Variants in SNX29 observed in about 807,000 individuals in gnomAD.
SNX29 encodes the protein sorting nexin-29.
In SNX29, 78 loss-of-function variants were observed where a neutral mutation model predicts 102.1. The observed-to-expected ratio is 0.76, with a 90% CI of 0.64 to 0.92. The LOEUF (loss-of-function observed/expected upper bound fraction) is 0.92. SNX29 is among the 40% of genes least tolerant of loss of function. The pLI, the probability that SNX29 is intolerant of heterozygous loss-of-function variation, is 0.00. For synonymous variants in SNX29, 580 were observed against 414.5 expected, an observed-to-expected ratio of 1.40 and a Z score of -4.85; for missense variants, 1,280 against 1,061.7, an observed-to-expected ratio of 1.21 and a Z score of -2.86.
chr16:12,543,584 G>C (rs376879103), intron 20 of SNX29, among the ~76,000 whole-genome samples: 1 of 152,176 alleles, frequency 6.6e-6, no homozygotes, highest in African/African-American at 2.4e-5. Flanking sequence ...TCCGTGGTGC[G>C]TCCCAGTTCA....
chr16:12,567,216 A>G (rs755377766), intron 20 of SNX29, among the ~76,000 whole-genome samples: 5 of 152,078 alleles, frequency 3.3e-5, no homozygotes, highest in African/African-American at 1.2e-4. Context: ...TTTCTAAACC[A>G]CAGATAAGGC....
At chr16:12,541,169 C>G (rs569422962) in intron 20 of SNX29, among the ~76,000 whole-genome samples, 64 of 152,310 alleles carry the variant, frequency 4.2e-4, no homozygotes, top group African/African-American at 1.5e-3. Flanking sequence ...GACCTGGAAC[C>G]TCTTCCTCAG....
intron 13 of SNX29, among the ~76,000 whole-genome samples, chr16:12,188,710 G>T (rs1596465450): frequency 6.6e-6 from 1 of 152,264 alleles, no homozygotes; most frequent in Middle Eastern, 3.4e-3. Flanking sequence ...TGGTTACGGG[G>T]GAGAGAGCAC....
At chr16:12,541,504 G>C (rs59416912) in intron 20 of SNX29, among the ~76,000 whole-genome samples, 8,247 of 152,184 alleles carry the variant, frequency 0.054, 260 homozygotes, top group Middle Eastern at 0.11. Flanking sequence ...TGTGATCTGA[G>C]TCCCAAGTCA....
intron 15 of SNX29, among the ~76,000 whole-genome samples, chr16:12,345,603 G>T (rs771220438): frequency 6.6e-6 from 1 of 152,212 alleles, no homozygotes; most frequent in Non-Finnish European, 1.5e-5. Flanking sequence ...AGTAACTGTT[G>T]TTGCCACTAC....
At chr16:12,354,471 C>G (rs770543396) in intron 15 of SNX29, among the ~76,000 whole-genome samples, 1 of 152,142 alleles carries the variant, frequency 6.6e-6, no homozygotes, top group Non-Finnish European at 1.5e-5. Flanking sequence ...TCGGTGTTTC[C>G]TGCATTTATG....
chr16:12,008,089 G>A (rs1383305411), intron 3 of SNX29, among the ~76,000 whole-genome samples: 3 of 151,858 alleles, frequency 2.0e-5, no homozygotes, highest in African/African-American at 4.8e-5. Flanking sequence ...GACTACAGAC[G>A]CCCGCCACCA....
At chr16:12,213,778 C>T (rs1283706002) in intron 14 of SNX29, among the ~76,000 whole-genome samples, 1 of 151,304 alleles carries the variant, frequency 6.6e-6, no homozygotes, top group Non-Finnish European at 1.5e-5. Context: ...TTTAAGTAAA[C>T]CCTGAACAGG....
chr16:12,245,477 G>A (rs992368438), intron 14 of SNX29, among the ~76,000 whole-genome samples: 6 of 150,770 alleles, frequency 4.0e-5, no homozygotes, highest in Admixed American at 3.3e-4. Flanking sequence ...AGTGACAACT[G>A]CCTAGATTTT....
intron 14 of SNX29, among the ~76,000 whole-genome samples, chr16:12,220,584 T>G (rs766300603): frequency 1.1e-4 from 17 of 152,200 alleles, no homozygotes; most frequent in Non-Finnish European, 1.9e-4. Flanking sequence ...CTCGTGCTGA[T>G]CTCCCCTGCA....
chr16:12,561,464 A>G (rs755335731), intron 20 of SNX29, among the ~76,000 whole-genome samples: 43 of 152,260 alleles, frequency 2.8e-4, no homozygotes, highest in Non-Finnish European at 5.0e-4. Flanking sequence ...GGCAGCTCCT[A>G]GTAAGTGGAG....
intron 16 of SNX29, among the ~76,000 whole-genome samples, chr16:12,386,588 G>T (rs887165369): frequency 6.6e-6 from 1 of 152,110 alleles, no homozygotes; most frequent in African/African-American, 2.4e-5. Flanking sequence ...CCAATAGCAG[G>T]GTTCTTGGTA....
chr16:12,548,775 C>A (rs576586034), intron 20 of SNX29, among the ~76,000 whole-genome samples: 35 of 152,212 alleles, frequency 2.3e-4, no homozygotes, highest in Non-Finnish European at 3.5e-4. Flanking sequence ...CATCCCCCAG[C>A]CACCACAGTG....
At position 12,569,882 on chromosome 16, in the gene SNX29, G is replaced by T. The variant is rs1002340290; in HGVS notation, c.*1253G>T. On this transcript the variant is annotated 3_prime_UTR_variant, in exon 21 of 21. Coordinates refer to ENST00000566228, the MANE Select transcript of SNX29 (RefSeq NM_032167.5). Reference sequence around the variant, plus strand: ...AAATGGACTATGCAAGAGTAAGTTTGTGTGTTTCGCCTTAATCTGAGGCAG... The same window carrying T: ...AAATGGACTATGCAAGAGTAAGTTTTTGTGTTTCGCCTTAATCTGAGGCAG... The T allele has an allele frequency of 8.6e-6, 2 of 231,420 alleles. No homozygotes were observed. The highest frequency in any genetic ancestry group is 1.2e-4 in the East Asian group (2 of 16,368). 14.3% of individuals were successfully genotyped at this position (231,420 alleles called of 1,614,324 possible).
At chr16:12,131,993 A>G (rs182590711) in intron 13 of SNX29, among the ~76,000 whole-genome samples, 237 of 152,268 alleles carry the variant, frequency 1.6e-3, no homozygotes, top group African/African-American at 5.0e-3. Context: ...TTGCCTGGCC[A>G]TGCTAGAGTT....
chr16:12,413,963 T>C (rs1247032452), intron 18 of SNX29, among the ~76,000 whole-genome samples: 1 of 152,204 alleles, frequency 6.6e-6, no homozygotes, highest in Non-Finnish European at 1.5e-5. Flanking sequence ...TCATATAAAA[T>C]GCCATAGTAT....
chr16:12,272,528 A>C (rs2079121755), intron 14 of SNX29, among the ~76,000 whole-genome samples: 1 of 152,236 alleles, frequency 6.6e-6, no homozygotes, highest in Admixed American at 6.5e-5. Context: ...GACGGGCTCC[A>C]CTGCTCTCTT....
intron 15 of SNX29, among the ~76,000 whole-genome samples, chr16:12,332,596 T>C (rs2151218854): frequency 6.6e-6 from 1 of 152,112 alleles, no homozygotes; most frequent in Non-Finnish European, 1.5e-5. Context: ...GGTTGTGAGC[T>C]CCCCCGAGGT....
At chr16:12,447,428 C>T (rs2086113458) in intron 18 of SNX29, among the ~76,000 whole-genome samples, 1 of 152,042 alleles carries the variant, frequency 6.6e-6, no homozygotes, top group African/African-American at 2.4e-5. Context: ...CTGGATACCC[C>T]CAAAGATTCT....
Sources: allele counts gnomAD v4.1 joint callset (sites outside exome capture counted in the v4.1 genomes callset), GRCh38; gene constraint gnomAD v4.1.1; transcripts MANE v1.5; gene names NCBI Gene and HGNC (gene_info 2026-07-23, HGNC 2026-07-21).